Variants in PCDHGB2 observed in about 807,000 individuals in gnomAD.
The protein encoded by PCDHGB2 is protocadherin gamma-B2.
PCDHGB2 carries 55 observed loss-of-function variants against 59.3 expected under a neutral mutation model. That is an observed-to-expected ratio of 0.93 (90% CI 0.75 to 1.16). The LOEUF is 1.16. Among genes scored for constraint, PCDHGB2 ranks in the 50% most tolerant of loss-of-function variants. The pLI is 0.00. For missense variants in PCDHGB2, 1,228 were observed against 1,198.5 expected (o/e 1.02, Z -0.36); for synonymous variants, 516 against 512.0 (o/e 1.01, Z -0.11).
At chr5:141,474,212 C>T (rs892802269) in intron 1 of PCDHGB2, among the ~76,000 whole-genome samples, 5 of 152,078 alleles carry the variant, frequency 3.3e-5, no homozygotes, top group African/African-American at 1.2e-4. Flanking sequence ...TTTCAAAAAC[C>T]AGATTGTGAA....
intron 1 of PCDHGB2, chr5:141,382,848 A>G (rs543706507): frequency 5.5e-4 from 813 of 1,490,648 alleles, no homozygotes; most frequent in Non-Finnish European, 6.7e-4. Flanking sequence ...ATACACCCGC[A>G]TTCTGAAGCA....
intron 1 of PCDHGB2, chr5:141,394,735 G>C: frequency 6.2e-7 from 1 of 1,613,450 alleles, no homozygotes; most frequent in Non-Finnish European, 8.5e-7. Context: ...CTCAAGCAGA[G>C]CCTCGTGGTG....
At chr5:141,392,775 A>G in intron 1 of PCDHGB2, 1 of 1,524,280 alleles carries the variant, frequency 6.6e-7, no homozygotes, top group Non-Finnish European at 8.8e-7. Context: ...CCATTTATGC[A>G]CAGTGAAGAT....
chr5:141,462,471 C>T (rs1464947091), intron 1 of PCDHGB2, among the ~76,000 whole-genome samples: 1 of 152,020 alleles, frequency 6.6e-6, no homozygotes, highest in East Asian at 1.9e-4. Context: ...GTGTATTCTG[C>T]TTCTCGTGGT....
At chr5:141,437,104 T>C (rs539232057) in intron 1 of PCDHGB2, among the ~76,000 whole-genome samples, 1 of 152,338 alleles carries the variant, frequency 6.6e-6, no homozygotes, top group African/African-American at 2.4e-5. Flanking sequence ...GGCTTAGCTT[T>C]AGGATTTTTA....
At chr5:141,422,013 G>A (rs755656791) in intron 1 of PCDHGB2, 1 of 1,610,536 alleles carries the variant, frequency 6.2e-7, no homozygotes. Context: ...GAACTCGGGT[G>A]CTGATGGTTA....
chr5:141,370,383 G>A (rs1393783313), intron 1 of PCDHGB2: 1 of 1,533,714 alleles, frequency 6.5e-7, no homozygotes, highest in Non-Finnish European at 8.7e-7. Flanking sequence ...AGGCAAAGGC[G>A]CAGAGAGCGG....
intron 1 of PCDHGB2, among the ~76,000 whole-genome samples, chr5:141,454,796 ATTTTTTTTTTT>A (rs61612330): frequency 0.01 from 775 of 77,498 alleles, 10 homozygotes; most frequent in African/African-American, 0.043. Context: ...CATGGTTCTA[ATTTTTTTTTTT>A]TTTTTTTTTT....
At chr5:141,398,730 C>T (rs200411955) in intron 1 of PCDHGB2, 568 of 1,613,656 alleles carry the variant, frequency 3.5e-4, no homozygotes, top group Non-Finnish European at 4.6e-4. Context: ...AAACCTTAGA[C>T]CGGGAACAAC....
chr5:141,423,832 T>G, intron 1 of PCDHGB2: 113 of 1,253,376 alleles, frequency 9.0e-5, no homozygotes, highest in East Asian at 2.6e-4. Context: ...TTTCATGAGA[T>G]TACGATAATC....
At position 141,511,355 on chromosome 5, in the gene PCDHGB2, G is replaced by A; in HGVS notation, c.*182G>A. On this transcript the variant is annotated 3_prime_UTR_variant, in exon 4 of 4. Coordinates refer to ENST00000522605, the MANE Select transcript of PCDHGB2 (RefSeq NM_018923.3). ...TCAGCACCTACCCCTTCCCCCCCAG[G>A]GGGTTGAATATGCAAAAGCAGTTCC... 4 of 1,379,256 alleles carry A rather than the reference G, an allele frequency of 2.9e-6. No individual in the cohort carries two copies. The highest frequency in any genetic ancestry group is 3.9e-6 in the Non-Finnish European group (4 of 1,035,886). 85.4% of individuals were successfully genotyped at this position (1,379,256 alleles called of 1,614,324 possible).
chr5:141,367,766 A>G (rs1166226365), intron 1 of PCDHGB2: 1 of 152,176 alleles, frequency 6.6e-6, no homozygotes, highest in East Asian at 1.9e-4. Context: ...TGCACTCAAT[A>G]AATGTAAATA....
At chr5:141,396,562 G>C (rs2150669769) in intron 1 of PCDHGB2, 1 of 152,144 alleles carries the variant, frequency 6.6e-6, no homozygotes, top group South Asian at 2.1e-4. Context: ...GGAGGTTGCA[G>C]TGAGCCTCGA....
intron 1 of PCDHGB2, chr5:141,388,450 G>GATGGCAA: frequency 6.2e-7 from 1 of 1,613,844 alleles, no homozygotes; most frequent in Non-Finnish European, 8.5e-7. Flanking sequence ...TCAGATGGCA[G>GATGGCAA]TAAATACCCT....
At chr5:141,376,483 G>T (rs139873493) in intron 1 of PCDHGB2, 17,785 of 1,614,172 alleles carry the variant, frequency 0.011, 127 homozygotes, top group Non-Finnish European at 0.012. Context: ...TACTTGAAAC[G>T]AAAGGAGAAC....
chr5:141,427,260 AC>A (rs1388196814), intron 1 of PCDHGB2: 1 of 456,770 alleles, frequency 2.2e-6, no homozygotes, highest in Admixed American at 2.3e-5. Flanking sequence ...TGGAGGCATG[AC>A]CAGCGAATGT....
intron 1 of PCDHGB2, chr5:141,364,604 C>A (rs370007558): frequency 1.9e-6 from 3 of 1,614,162 alleles, no homozygotes; most frequent in Non-Finnish European, 2.5e-6. Context: ...CAGGATAGAC[C>A]GGGAGGAGCT....
intron 1 of PCDHGB2, chr5:141,389,160 G>T (rs759399243): frequency 1.2e-6 from 2 of 1,613,996 alleles, no homozygotes; most frequent in Admixed American, 3.3e-5. Flanking sequence ...AACAGATCGG[G>T]GCAAGCCTCC....
Position 141,380,667 on chromosome 5 carries a change from T to C in PCDHGB2, c.2421+18111T>C, listed in dbSNP as rs552117625. On this transcript the variant is annotated intron_variant, in intron 1 of 3. Coordinates refer to ENST00000522605, the MANE Select transcript of PCDHGB2 (RefSeq NM_018923.3). Reference sequence around the variant, plus strand: ...AGAGACAATGAAGCCATTTACTCCATAGGGTATGTATGCTTTGTGTTCGGA... The same window carrying C: ...AGAGACAATGAAGCCATTTACTCCACAGGGTATGTATGCTTTGTGTTCGGA... Among the ~76,000 whole-genome samples the C allele has an allele frequency of 2.6e-5, 4 of 152,244 alleles. No homozygotes were observed. The East Asian group carries it at 5.8e-4, about 22-fold the overall frequency.
Sources: gnomAD v4.1 joint callset for allele counts (sites outside exome capture counted in the v4.1 genomes callset) on GRCh38, gnomAD v4.1.1 for gene constraint, MANE v1.5 for transcripts, NCBI Gene and HGNC (gene_info 2026-07-23, HGNC 2026-07-21) for gene names.